CDH12: variants seen among roughly 807,000 people sequenced by gnomAD.
CDH12 encodes the protein cadherin 12.
A neutral mutation model predicts 74.1 loss-of-function variants in CDH12; 41 were observed. That is an observed-to-expected ratio of 0.55 (90% CI 0.43 to 0.72). The LOEUF is 0.72. CDH12 is among the 30% of genes least tolerant of loss of function. CDH12 has a pLI of 0.00. For synonymous variants in CDH12, 399 were observed against 355.0 expected, an observed-to-expected ratio of 1.12 and a Z score of -1.39; for missense variants, 945 against 977.2, an observed-to-expected ratio of 0.97 and a Z score of 0.44.
At chr5:22,601,158 T>A (rs905038325) in intron 1 of CDH12, among the ~76,000 whole-genome samples, 20 of 152,220 alleles carry the variant, frequency 1.3e-4, no homozygotes, top group African/African-American at 4.3e-4. Context: ...TTTTATTTAT[T>A]TTTTTAACCA....
chr5:22,686,538 G>A (rs1378301721), intron 1 of CDH12, among the ~76,000 whole-genome samples: 1 of 152,012 alleles, frequency 6.6e-6, no homozygotes, highest in Non-Finnish European at 1.5e-5. Flanking sequence ...AATGCATTTT[G>A]ACTTTTTTTT....
chr5:22,153,478 C>G lies in CDH12; in HGVS notation c.-187+59020G>C, dbSNP rs958787396. 2.6e-5 allele frequency among the ~76,000 whole-genome samples: 4 copies of G among 151,318 alleles called. No individual in the cohort carries two copies. In the East Asian group the frequency reaches 7.8e-4, roughly 30 times the overall value. On this transcript the variant is annotated intron_variant, in intron 4 of 14. Transcript: ENST00000382254. ...CCCATGCTCTGAGGCTCTATGAAACCCTGAAGGGAGAGGTAAACATATAAG... is the reference window on the plus strand; with the variant it reads ...CCCATGCTCTGAGGCTCTATGAAACGCTGAAGGGAGAGGTAAACATATAAG...
At chr5:21,786,379 C>G (rs973736297) in intron 10 of CDH12, among the ~76,000 whole-genome samples, 4 of 152,090 alleles carry the variant, frequency 2.6e-5, no homozygotes, top group Admixed American at 1.3e-4. Flanking sequence ...GTCTCAAACT[C>G]AAGACCTCGT....
chr5:22,325,804 A>AG lies in CDH12; in HGVS notation c.-333+79452dup, dbSNP rs1739068128. The stretch of plus-strand genomic sequence containing the variant: ...TCATCTGTAGTCCCAGCTGCTCGGG[A>AG]GGCTGAGGCGGGAGAATGGTGTGAA... On this transcript the variant is annotated intron_variant, in intron 3 of 14. Coordinates refer to ENST00000382254, the MANE Select transcript of CDH12 (RefSeq NM_004061.5). Among the ~76,000 whole-genome samples the AG allele has an allele frequency of 2.0e-5, 3 of 152,074 alleles. No individual in the cohort carries two copies. In the East Asian group the frequency reaches 5.8e-4, roughly 29 times the overall value.
Position 21,755,784 on chromosome 5 carries a change from C to A in CDH12, c.1692G>T (p.Leu564Phe). 1 of 1,614,006 alleles carries A rather than the reference C, an allele frequency of 6.2e-7. No homozygotes were observed. The highest frequency in any genetic ancestry group is 8.5e-7 in the Non-Finnish European group (1 of 1,179,910). The change falls in exon 14 of 15, where the codon TTG becomes TTT. Residue 564 changes from leucine to phenylalanine, a missense_variant. Around this residue, in one of 3 missense-constraint regions of CDH12, gnomAD observed 791 missense variants for 792.8 expected, o/e 1.00. Coordinates refer to ENST00000382254, the MANE Select transcript of CDH12 (RefSeq NM_004061.5). ...CTTCTATTACAACAGGGAGGAAATA[C>A]AACTCTTGCTGCCTGCGGCTGTATC... ...RNGYSRRQQELYFLPVVIEDS... is the reference protein window; with the variant it reads ...RNGYSRRQQEFYFLPVVIEDS...
intron 10 of CDH12, among the ~76,000 whole-genome samples, chr5:21,792,066 C>A (rs1055475818): frequency 6.6e-6 from 1 of 151,930 alleles, no homozygotes; most frequent in Non-Finnish European, 1.5e-5. Flanking sequence ...GATAGTAGAT[C>A]AAACTGTCTT....
At chr5:22,426,739 C>A in intron 2 of CDH12, among the ~76,000 whole-genome samples, 1 of 152,066 alleles carries the variant, frequency 6.6e-6, no homozygotes. Flanking sequence ...GAACTTTTTT[C>A]TCACATTGTA....
intron 3 of CDH12, among the ~76,000 whole-genome samples, chr5:22,367,185 T>C (rs911766598): frequency 9.2e-5 from 14 of 152,144 alleles, no homozygotes; most frequent in Non-Finnish European, 1.5e-5. Context: ...CTGAAAGGCA[T>C]CTCCTTCTCC....
At chr5:22,722,035 C>A (rs544562113) in intron 1 of CDH12, among the ~76,000 whole-genome samples, 1 of 152,148 alleles carries the variant, frequency 6.6e-6, no homozygotes, top group Admixed American at 6.5e-5. Flanking sequence ...TCTAAATTGG[C>A]TCCCCCAGGT....
chr5:21,914,024 A>G (rs1182410182), intron 6 of CDH12, among the ~76,000 whole-genome samples: 1 of 152,106 alleles, frequency 6.6e-6, no homozygotes, highest in East Asian at 1.9e-4. Context: ...AGTGTTTCAT[A>G]TTGGTCCTTT....
intron 1 of CDH12, among the ~76,000 whole-genome samples, chr5:22,633,585 C>T (rs988387267): frequency 8.5e-5 from 13 of 152,050 alleles, no homozygotes; most frequent in African/African-American, 2.9e-4. Flanking sequence ...GGGCCTCATC[C>T]CATTTCTTCA....
intron 1 of CDH12, among the ~76,000 whole-genome samples, chr5:22,657,342 T>C (rs886829725): frequency 2.0e-5 from 3 of 152,128 alleles, no homozygotes; most frequent in Admixed American, 6.6e-5. Flanking sequence ...GAGTATATAC[T>C]TAGACAAAAA....
intron 5 of CDH12, among the ~76,000 whole-genome samples, chr5:22,046,430 C>CTTTTTTTTTTTTTTTTTTTTTTT (rs11323330): frequency 1.0e-5 from 1 of 100,368 alleles, no homozygotes; most frequent in African/African-American, 4.3e-5. Context: ...CATTTAATTT[C>CTTTTTTTTTTTTTTTTTTTTTTT]TTTTTTTTTT....
intron 1 of CDH12, among the ~76,000 whole-genome samples, chr5:22,528,570 G>A (rs187806640): frequency 6.6e-6 from 1 of 152,024 alleles, no homozygotes; most frequent in African/African-American, 2.4e-5. Context: ...ACTCCTTCAG[G>A]GGACACGTAG....
At chr5:21,832,830 T>C (rs1749113297) in intron 8 of CDH12, among the ~76,000 whole-genome samples, 1 of 115,300 alleles carries the variant, frequency 8.7e-6, no homozygotes, top group Admixed American at 1.2e-4. Flanking sequence ...ATATATATTA[T>C]AATAATATAA....
chr5:22,083,946 G>A (rs1742903757), intron 4 of CDH12, among the ~76,000 whole-genome samples: 1 of 152,126 alleles, frequency 6.6e-6, no homozygotes, highest in African/African-American at 2.4e-5. Flanking sequence ...TAGCTCTTTT[G>A]TAAAATTAGG....
chr5:21,982,478 TAGAG>T (rs1416030750), intron 5 of CDH12, among the ~76,000 whole-genome samples: 3 of 151,620 alleles, frequency 2.0e-5, no homozygotes, highest in Non-Finnish European at 2.9e-5. Context: ...TATACCTATA[TAGAG>T]AGATATATCT....
At chr5:22,040,213 A>T (rs1192469525) in intron 5 of CDH12, among the ~76,000 whole-genome samples, 1 of 152,074 alleles carries the variant, frequency 6.6e-6, no homozygotes, top group East Asian at 1.9e-4. Flanking sequence ...CAGGTCAAGC[A>T]GAAGAAACAA....
chr5:22,425,083 G>T (rs200804960), intron 2 of CDH12, among the ~76,000 whole-genome samples: 6,918 of 142,056 alleles, frequency 0.049, 170 homozygotes, highest in East Asian at 0.097. Flanking sequence ...TATATAGAGA[G>T]AGAGAGAGAG....
Sources: allele counts gnomAD v4.1 joint callset (sites outside exome capture counted in the v4.1 genomes callset), GRCh38; gene constraint gnomAD v4.1.1; regional missense constraint gnomAD v4.1.1; transcripts MANE v1.5; gene names NCBI Gene and HGNC (gene_info 2026-07-23, HGNC 2026-07-21).